ULK4: variants seen among roughly 807,000 people sequenced by gnomAD.
ULK4 encodes inactive serine/threonine-protein kinase ULK4.
In ULK4, 133 loss-of-function variants were observed where a neutral mutation model predicts 160.6. The ratio of observed to expected loss-of-function variants is 0.83; its 90% CI spans 0.72 to 0.96. The LOEUF (loss-of-function observed/expected upper bound fraction) is 0.96. Among genes scored for constraint, ULK4 ranks in the 40% least tolerant of loss-of-function variants. ULK4 has a pLI of 0.00. For missense variants in ULK4, 1,580 were observed against 1,499.5 expected, an observed-to-expected ratio of 1.05 and a Z score of -0.89; for synonymous variants, 534 against 539.8, an observed-to-expected ratio of 0.99 and a Z score of 0.15.
intron 19 of ULK4, among the ~76,000 whole-genome samples, chr3:41,815,984 T>C (rs1456400441): frequency 6.6e-6 from 1 of 152,086 alleles, no homozygotes; most frequent in Non-Finnish European, 1.5e-5. Flanking sequence ...CATGGTGGCA[T>C]GCATAACTAC....
intron 8 of ULK4, among the ~76,000 whole-genome samples, chr3:41,914,085 T>C (rs1009767057): frequency 5.9e-5 from 9 of 152,190 alleles, no homozygotes; most frequent in African/African-American, 1.9e-4. Context: ...TGACTTTAGG[T>C]TGTATTTAAA....
intron 17 of ULK4, among the ~76,000 whole-genome samples, chr3:41,843,909 A>C (rs1431650959): frequency 6.6e-6 from 1 of 152,040 alleles, no homozygotes; most frequent in Non-Finnish European, 1.5e-5. Context: ...CCACGTCCCC[A>C]CTAGATTAGC....
At chr3:41,352,184 G>C (rs910096601) in intron 35 of ULK4, among the ~76,000 whole-genome samples, 1 of 152,116 alleles carries the variant, frequency 6.6e-6, no homozygotes, top group African/African-American at 2.4e-5. Flanking sequence ...TTGACCGCAG[G>C]CTTCCTCTGA....
chr3:41,512,191 T>C (rs756738897), intron 32 of ULK4, among the ~76,000 whole-genome samples: 1 of 152,144 alleles, frequency 6.6e-6, no homozygotes, highest in Non-Finnish European at 1.5e-5. Context: ...CAGGGAAAAG[T>C]TGAAAGCATT....
At chr3:41,922,697 C>T (rs1699234073) in intron 5 of ULK4, among the ~76,000 whole-genome samples, 1 of 151,848 alleles carries the variant, frequency 6.6e-6, no homozygotes, top group African/African-American at 2.4e-5. Flanking sequence ...GACACCAAGA[C>T]AGAATTATCC....
chr3:41,843,956 C>G (rs1288656122), intron 17 of ULK4, among the ~76,000 whole-genome samples: 1 of 152,122 alleles, frequency 6.6e-6, no homozygotes, highest in African/African-American at 2.4e-5. Flanking sequence ...TCTCCAAGTC[C>G]CCACCAGAGT....
intron 31 of ULK4, among the ~76,000 whole-genome samples, chr3:41,601,319 T>G (rs1449897530): frequency 6.6e-6 from 1 of 151,700 alleles, no homozygotes; most frequent in East Asian, 1.9e-4. Flanking sequence ...GACACGACAA[T>G]AGGGAAGAAA....
At chr3:41,508,483 T>C (rs986951592) in intron 32 of ULK4, among the ~76,000 whole-genome samples, 6 of 152,042 alleles carry the variant, frequency 3.9e-5, no homozygotes, top group African/African-American at 9.7e-5. Context: ...TCACAGGCAA[T>C]GCACTTTTGA....
intron 35 of ULK4, among the ~76,000 whole-genome samples, chr3:41,328,652 C>A (rs1258283275): frequency 6.6e-6 from 1 of 152,134 alleles, no homozygotes; most frequent in African/African-American, 2.4e-5. Flanking sequence ...AATATAAACT[C>A]TTGAAAGGTG....
chr3:41,354,743 C>G (rs1249867300), intron 35 of ULK4, among the ~76,000 whole-genome samples: 1 of 152,172 alleles, frequency 6.6e-6, no homozygotes, highest in Non-Finnish European at 1.5e-5. Flanking sequence ...TTCAAGCAAG[C>G]CCACTAAAGC....
intron 32 of ULK4, among the ~76,000 whole-genome samples, chr3:41,517,341 T>C (rs1428639964): frequency 6.6e-6 from 1 of 152,156 alleles, no homozygotes; most frequent in Non-Finnish European, 1.5e-5. Context: ...GCAGGGCCTT[T>C]AAGAGGTGAT....
intron 34 of ULK4, among the ~76,000 whole-genome samples, chr3:41,434,627 T>C (rs1214866235): frequency 6.6e-6 from 1 of 152,118 alleles, no homozygotes; most frequent in African/African-American, 2.4e-5. Flanking sequence ...TCCAAAATAT[T>C]TGGAGAAAAA....
chr3:41,893,197 A>G (rs967300308), intron 16 of ULK4, among the ~76,000 whole-genome samples: 1 of 152,208 alleles, frequency 6.6e-6, no homozygotes, highest in Non-Finnish European at 1.5e-5. Context: ...GATGATGAAA[A>G]AGTTTTGGAA....
chr3:41,707,700 T>C (rs1399667579), intron 25 of ULK4, among the ~76,000 whole-genome samples: 1 of 151,982 alleles, frequency 6.6e-6, no homozygotes, highest in Non-Finnish European at 1.5e-5. Flanking sequence ...CATGGTGGCA[T>C]GCACCTGTAG....
intron 22 of ULK4, among the ~76,000 whole-genome samples, chr3:41,724,896 A>AG (rs2037596889): frequency 1.3e-5 from 2 of 152,338 alleles, no homozygotes; most frequent in Non-Finnish European, 2.9e-5. Flanking sequence ...TTAATTGACC[A>AG]TCTGGAGATA....
intron 17 of ULK4, among the ~76,000 whole-genome samples, chr3:41,857,077 T>C (rs1333625634): frequency 7.2e-5 from 11 of 152,074 alleles, no homozygotes; most frequent in Admixed American, 6.6e-4. Context: ...GGCCACTCTC[T>C]CCCTCAAAGA....
chr3:41,507,548 C>A (rs1211782953), intron 32 of ULK4, among the ~76,000 whole-genome samples: 1 of 133,794 alleles, frequency 7.5e-6, no homozygotes, highest in African/African-American at 2.9e-5. Context: ...AACCACAAAC[C>A]ATTGGGGAAA....
intron 35 of ULK4, among the ~76,000 whole-genome samples, chr3:41,337,119 A>C (rs949189732): frequency 2.0e-5 from 3 of 152,116 alleles, no homozygotes; most frequent in East Asian, 1.9e-4. Context: ...ATCAACAGCA[A>C]ATTCAGGTCT....
At chr3:41,273,757 G>C (rs565884424) in intron 35 of ULK4, among the ~76,000 whole-genome samples, 1 of 152,242 alleles carries the variant, frequency 6.6e-6, no homozygotes, top group East Asian at 1.9e-4. Context: ...ATGGCTTGGG[G>C]CTATTCTAGC....
Sources: allele counts gnomAD v4.1 joint callset (sites outside exome capture counted in the v4.1 genomes callset), GRCh38; gene constraint gnomAD v4.1.1; transcripts MANE v1.5; gene names NCBI Gene and HGNC (gene_info 2026-07-23, HGNC 2026-07-21).